The following ADAMTS12 variants were observed in gnomAD, a reference collection of about 807,000 sequenced individuals.
ADAMTS12 encodes ADAM metallopeptidase with thrombospondin type 1 motif 12.
In ADAMTS12, 118 loss-of-function variants were observed where a neutral mutation model predicts 167.8. The ratio of observed to expected loss-of-function variants is 0.70; its 90% CI spans 0.61 to 0.82. The LOEUF (loss-of-function observed/expected upper bound fraction) is 0.82, where lower values mean the gene tolerates loss of function less well. Among genes scored for constraint, ADAMTS12 ranks in the 40% least tolerant of loss-of-function variants. The probability of loss-of-function intolerance (pLI) is 0.00; values close to 1 mark genes in which losing one functional copy is unlikely to be tolerated. For synonymous variants in ADAMTS12, 704 were observed against 716.9 expected (o/e 0.98, Z 0.29); for missense variants, 1,916 against 1,998.8 (o/e 0.96, Z 0.79).
chr5:33,684,060 A>T lies in ADAMTS12; in HGVS notation c.635-5T>A. 1 of 1,556,278 alleles carries T rather than the reference A, an allele frequency of 6.4e-7. No homozygotes were observed. Among genetic ancestry groups the T allele is most frequent in the Non-Finnish European group, 8.7e-7 (1 of 1,151,966 alleles). ...TCTGGGAGATGTTAACACTGTCTAA[A>T]CAGTAAACAGAAGACAATGGTCTAA... On this transcript the variant is annotated splice_polypyrimidine_tract_variant and splice_region_variant and intron_variant, in intron 3 of 23. Coordinates refer to ENST00000504830, the MANE Select transcript of ADAMTS12 (RefSeq NM_030955.4).
In ADAMTS12 at chr5:33,735,788, C is replaced by T. The variant is rs1011300780; in HGVS notation, c.634+15616G>A. Among the ~76,000 whole-genome samples the T allele has an allele frequency of 3.3e-5, 5 of 152,178 alleles. No homozygotes were observed. The South Asian group carries it at 6.2e-4, about 19-fold the overall frequency. On this transcript the variant is annotated intron_variant, in intron 3 of 23. Coordinates refer to ENST00000504830, the MANE Select transcript of ADAMTS12 (RefSeq NM_030955.4). ...GCTCAGGACAGTGGTAGAACTGCCACTAAGGAAAGGAAACCTCTTCTATTG... is the reference window on the plus strand; with the variant it reads ...GCTCAGGACAGTGGTAGAACTGCCATTAAGGAAAGGAAACCTCTTCTATTG...
At chr5:33,627,038 GTGGTGGTGGTGATGTGGTAA>G (rs1739678553) in intron 13 of ADAMTS12, among the ~76,000 whole-genome samples, 2 of 150,936 alleles carry the variant, frequency 1.3e-5, no homozygotes, top group Non-Finnish European at 3.0e-5. Context: ...TTTGATGATG[GTGGTGGTGGTGATGTGGTAA>G]TGGTGGTGGT....
At chr5:33,670,425 A>C (rs760533345) in intron 5 of ADAMTS12, among the ~76,000 whole-genome samples, 6 of 152,138 alleles carry the variant, frequency 3.9e-5, no homozygotes, top group Non-Finnish European at 8.8e-5. Flanking sequence ...TTATGGAAAA[A>C]CAGTTTGGTA....
At chr5:33,583,708 C>T (rs1380868916) in intron 18 of ADAMTS12, among the ~76,000 whole-genome samples, 1 of 152,164 alleles carries the variant, frequency 6.6e-6, no homozygotes, top group East Asian at 1.9e-4. Context: ...AGTTGTATCT[C>T]ATTATAGTTT....
At chr5:33,595,837 C>G in intron 17 of ADAMTS12, 97 bp downstream of exon 17, 1 of 1,521,634 alleles carries the variant, frequency 6.6e-7, no homozygotes, top group Non-Finnish European at 8.9e-7. Flanking sequence ...AATAACAAAA[C>G]CACACAATAT....
chr5:33,650,276 A>G (rs1467574586), intron 7 of ADAMTS12, among the ~76,000 whole-genome samples: 2 of 152,142 alleles, frequency 1.3e-5, no homozygotes, highest in Admixed American at 1.3e-4. Flanking sequence ...TTGCCACTTA[A>G]ATGACCTGTA....
intron 20 of ADAMTS12, among the ~76,000 whole-genome samples, chr5:33,550,595 CT>C: frequency 6.6e-6 from 1 of 152,096 alleles, no homozygotes; most frequent in Non-Finnish European, 1.5e-5. Flanking sequence ...CCCATCACTG[CT>C]TTTTTTTAAT....
intron 1 of ADAMTS12, among the ~76,000 whole-genome samples, chr5:33,884,083 A>G (rs1269865244): frequency 6.6e-6 from 1 of 152,166 alleles, no homozygotes; most frequent in Non-Finnish European, 1.5e-5. Context: ...GTCATCTAGC[A>G]ATGGTGCCCT....
chr5:33,576,556 C>T lies in ADAMTS12; in HGVS notation c.3470G>A (p.Ser1157Asn). The change falls in exon 19 of 24, where the codon AGT becomes AAT. Residue 1157 changes from serine (S) to asparagine (N), a missense_variant. Transcript: ENST00000504830. ...LTKGPEMEIH[S>N]GSGEEREQPE... is the part of the protein sequence containing the mutation. ...CTGTTCTCTTTCTTCCCCTGAGCCA[C>T]TGTGAATCTCCATTTCTGGACCTTT... The T allele has an allele frequency of 6.2e-7, 1 of 1,614,144 alleles. No individual in the cohort carries two copies. Among genetic ancestry groups the T allele is most frequent in the Middle Eastern group, 1.7e-4 (1 of 6,060 alleles).
intron 2 of ADAMTS12, among the ~76,000 whole-genome samples, chr5:33,768,419 GC>G (rs1265570662): frequency 6.6e-6 from 1 of 152,142 alleles, no homozygotes. Flanking sequence ...TATTTCGAAA[GC>G]CCTTTTAAAT....
intron 2 of ADAMTS12, among the ~76,000 whole-genome samples, chr5:33,849,004 CAA>C (rs1491159683): frequency 1.4e-5 from 2 of 143,716 alleles, no homozygotes; most frequent in African/African-American, 2.6e-5. Context: ...TATTGCATAG[CAA>C]TATATATATA....
intron 3 of ADAMTS12, among the ~76,000 whole-genome samples, chr5:33,690,228 G>A (rs1169877230): frequency 1.3e-5 from 2 of 152,190 alleles, no homozygotes; most frequent in Non-Finnish European, 2.9e-5. Flanking sequence ...GTCTCTGTAG[G>A]AAGCTCATTT....
Position 33,891,935 on chromosome 5 carries a change from A to T in ADAMTS12, c.-79T>A. On this transcript the variant is annotated 5_prime_UTR_variant, in exon 1 of 24. Coordinates refer to ENST00000504830, the MANE Select transcript of ADAMTS12 (RefSeq NM_030955.4). ...GAAATAAAGCGCTCGCCTGTGGCCCAGCAGGAAGATGCAGGGGTGCATGGT... is the reference window on the plus strand; with the variant it reads ...GAAATAAAGCGCTCGCCTGTGGCCCTGCAGGAAGATGCAGGGGTGCATGGT... 6.4e-7 allele frequency: 1 copy of T among 1,555,304 alleles called. No homozygotes were observed. Among genetic ancestry groups the T allele is most frequent in the Non-Finnish European group, 8.7e-7 (1 of 1,151,094 alleles).
intron 5 of ADAMTS12, among the ~76,000 whole-genome samples, chr5:33,667,495 T>C (rs1741516304): frequency 6.6e-6 from 1 of 152,142 alleles, no homozygotes; most frequent in East Asian, 1.9e-4. Context: ...TTATTTTATA[T>C]GCACCTCAAA....
At chr5:33,868,907 G>T in intron 2 of ADAMTS12, among the ~76,000 whole-genome samples, 1 of 152,194 alleles carries the variant, frequency 6.6e-6, no homozygotes, top group Admixed American at 6.5e-5. Flanking sequence ...TAAAAGGAAA[G>T]CAGACTGTAA....
chr5:33,756,160 G>A (rs561272297), intron 2 of ADAMTS12, among the ~76,000 whole-genome samples: 5 of 152,282 alleles, frequency 3.3e-5, no homozygotes, highest in Admixed American at 2.6e-4. Context: ...CAAAGCCCAG[G>A]GTAATTTTAT....
chr5:33,772,591 C>T (rs889276), intron 2 of ADAMTS12, among the ~76,000 whole-genome samples: 54,776 of 152,054 alleles, frequency 0.36, 10,969 homozygotes, highest in East Asian at 0.58. Context: ...GCATACATAA[C>T]AAAGCATATG....
chr5:33,577,051 C>T lies in ADAMTS12; in HGVS notation c.2975G>A (p.Gly992Asp). 1 of 1,614,196 alleles carries T rather than the reference C, an allele frequency of 6.2e-7. No individual in the cohort carries two copies. Among genetic ancestry groups the T allele is most frequent in the Non-Finnish European group, 8.5e-7 (1 of 1,180,026 alleles). ...CCGGCTAGAAGGGCATTGCTGGAGG[C>T]CACACAGAGCTCGGCTGTTGGGTTT... ...TRKPNSRALC[G>D]LQQCPSSRRV... The change falls in exon 19 of 24, where the codon GGC becomes GAC. Residue 992 changes from glycine to aspartate, a missense_variant. Transcript: ENST00000504830.
chr5:33,641,760 C>A, intron 11 of ADAMTS12, 50 bp downstream of exon 11: 1 of 1,488,242 alleles, frequency 6.7e-7, no homozygotes, highest in African/African-American at 1.4e-5. Flanking sequence ...GCCCCCCATC[C>A]CGCCCCCAGC....
Sources: allele counts gnomAD v4.1 joint callset (sites outside exome capture counted in the v4.1 genomes callset), GRCh38; gene constraint gnomAD v4.1.1; transcripts MANE v1.5; gene names NCBI Gene and HGNC (gene_info 2026-07-23, HGNC 2026-07-21).